PLEKHM3: variants seen among roughly 807,000 people sequenced by gnomAD.
PLEKHM3 encodes pleckstrin homology domain containing M3.
PLEKHM3 carries 45 observed loss-of-function variants against 81.8 expected under a neutral mutation model. The ratio of observed to expected loss-of-function variants is 0.55; its 90% CI spans 0.43 to 0.71. PLEKHM3 has a LOEUF of 0.71. PLEKHM3 is among the 30% of genes least tolerant of loss of function. The pLI, the probability that PLEKHM3 is intolerant of heterozygous loss-of-function variation, is 0.00. For missense variants in PLEKHM3, 788 were observed against 924.3 expected (o/e 0.85, Z 1.91); for synonymous variants, 352 against 356.4 (o/e 0.99, Z 0.14).
At chr2:208,019,249 T>A (rs1252762650) in intron 1 of PLEKHM3, among the ~76,000 whole-genome samples, 1 of 152,142 alleles carries the variant, frequency 6.6e-6, no homozygotes, top group Admixed American at 6.6e-5. Flanking sequence ...GAGGCTGCAG[T>A]GAGCTATGAT....
At chr2:207,880,642 A>G (rs980900770) in intron 6 of PLEKHM3, among the ~76,000 whole-genome samples, 6 of 148,332 alleles carry the variant, frequency 4.0e-5, no homozygotes, top group Non-Finnish European at 8.9e-5. Context: ...GGGCGCCTGT[A>G]GTCCCAGCTA....
intron 1 of PLEKHM3, among the ~76,000 whole-genome samples, chr2:208,009,105 G>A (rs976096178): frequency 6.6e-6 from 1 of 152,204 alleles, no homozygotes; most frequent in Non-Finnish European, 1.5e-5. Flanking sequence ...ACCCTTCGAC[G>A]AAGCTCCCAT....
chr2:207,892,342 A>G (rs545104827), intron 6 of PLEKHM3, among the ~76,000 whole-genome samples: 1 of 152,342 alleles, frequency 6.6e-6, no homozygotes, highest in South Asian at 2.1e-4. Context: ...TTTACCATAC[A>G]CATCCATACC....
intron 3 of PLEKHM3, among the ~76,000 whole-genome samples, chr2:207,974,450 T>C (rs1691233514): frequency 6.6e-6 from 1 of 152,178 alleles, no homozygotes; most frequent in South Asian, 2.1e-4. Context: ...TCTTGTGAAA[T>C]ACCTGAGGCT....
At chr2:207,863,488 G>A (rs572736774) in intron 6 of PLEKHM3, among the ~76,000 whole-genome samples, 1 of 152,274 alleles carries the variant, frequency 6.6e-6, no homozygotes, top group African/African-American at 2.4e-5. Context: ...ATTTATTCAC[G>A]TCCTGCCCAC....
At chr2:208,020,007 G>T (rs1412859509) in intron 1 of PLEKHM3, among the ~76,000 whole-genome samples, 1 of 152,186 alleles carries the variant, frequency 6.6e-6, no homozygotes, top group East Asian at 1.9e-4. Flanking sequence ...ATTTCCTGGA[G>T]CAAAAAATCT....
chr2:208,016,668 A>AAAAACACACACACACACACAC (rs1553568085), intron 1 of PLEKHM3, among the ~76,000 whole-genome samples: 1 of 61,552 alleles, frequency 1.6e-5, no homozygotes, highest in Admixed American at 2.2e-4. Flanking sequence ...AAAAAAAAAA[A>AAAAACACACACACACACACAC]ATACACACAC....
intron 1 of PLEKHM3, among the ~76,000 whole-genome samples, chr2:208,009,132 C>T (rs1433475716): frequency 1.3e-5 from 2 of 152,260 alleles, no homozygotes; most frequent in East Asian, 3.8e-4. Flanking sequence ...CAAGGTTCAA[C>T]TCTTTAACCT....
At position 207,858,180 on chromosome 2, in the gene PLEKHM3, A is replaced by ATATATATTTT. The variant is rs751293954; in HGVS notation, c.2108+2924_2108+2925insAAAATATATA. 3.0e-3 allele frequency among the ~76,000 whole-genome samples: 312 copies of ATATATATTTT among 103,840 alleles called. 2 individuals carry two copies. The highest frequency in any genetic ancestry group is 0.011 in the African/African-American group (295 of 26,914). The allele number at this position is 103,840 out of a possible 152,430, so 68.1% of individuals were successfully genotyped here. A position where few individuals can be genotyped will look rare whatever the true frequency, so the allele number is the denominator to read the frequency against. On this transcript the variant is annotated intron_variant, in intron 7 of 7. Transcript: ENST00000427836. Reference sequence around the variant, plus strand: ...TGTGTGTGTGTGTGTGTGTGTATATATTTTTTTTTTTGAGATGAAGTCTCA... The same window carrying ATATATATTTT: ...TGTGTGTGTGTGTGTGTGTGTATATATATATATTTTTTTTTTTTTTTGAGATGAAGTCTCA...
chr2:207,865,801 A>AAAAAAAAAAAAAATATATAT, intron 6 of PLEKHM3, among the ~76,000 whole-genome samples: 1 of 25,290 alleles, frequency 4.0e-5, no homozygotes, highest in African/African-American at 2.1e-4. Context: ...AAAAAAAAAA[A>AAAAAAAAAAAAAATATATAT]AGATATATAT....
intron 5 of PLEKHM3, among the ~76,000 whole-genome samples, chr2:207,917,764 G>C (rs2105915599): frequency 6.6e-6 from 1 of 152,208 alleles, no homozygotes; most frequent in Admixed American, 6.5e-5. Context: ...AGGATTGTTT[G>C]AGCTTGGGAG....
chr2:207,928,972 C>T (rs1001827405), intron 5 of PLEKHM3, among the ~76,000 whole-genome samples: 2 of 152,198 alleles, frequency 1.3e-5, no homozygotes, highest in Admixed American at 1.3e-4. Flanking sequence ...AAAAAGAAGA[C>T]TCTGAAGATG....
intron 7 of PLEKHM3, among the ~76,000 whole-genome samples, chr2:207,844,434 C>G (rs1412824697): frequency 6.7e-6 from 1 of 149,940 alleles, no homozygotes; most frequent in East Asian, 2.0e-4. Context: ...TCCGGAGTAG[C>G]TGGGACTACA....
intron 3 of PLEKHM3, among the ~76,000 whole-genome samples, chr2:207,947,295 T>G (rs962070177): frequency 3.3e-5 from 5 of 152,224 alleles, no homozygotes; most frequent in Non-Finnish European, 5.9e-5. Flanking sequence ...TGCTCTTTAC[T>G]TCAACAAATC....
intron 2 of PLEKHM3, among the ~76,000 whole-genome samples, chr2:207,995,584 T>C (rs1289973434): frequency 6.6e-6 from 1 of 152,166 alleles, no homozygotes; most frequent in Non-Finnish European, 1.5e-5. Flanking sequence ...TTGAACAAGT[T>C]ACTTATGCTC....
At chr2:207,870,523 G>T (rs918971743) in intron 6 of PLEKHM3, among the ~76,000 whole-genome samples, 1 of 152,234 alleles carries the variant, frequency 6.6e-6, no homozygotes, top group East Asian at 1.9e-4. Flanking sequence ...CGAAATGGAA[G>T]AATCAACATT....
Position 207,828,442 on chromosome 2 carries a change from G to A in PLEKHM3, c.2163C>T (p.Pro721=), listed in dbSNP as rs376127049. The A allele has an allele frequency of 1.5e-5, 25 of 1,614,106 alleles. No individual in the cohort carries two copies. Among genetic ancestry groups the A allele is most frequent in the Non-Finnish European group, 2.1e-5 (25 of 1,180,022 alleles). ...GCTCTCGGCGAACACACCTCGGGCA[G>A]GGGACAGACTTTTCTTTGCATTCAG... ...FHSECKEKSV[P]CPRCVRRELQ... Residue 721 remains proline (P), a synonymous_variant, in exon 8 of 8, where the codon CCC becomes CCT. Transcript: ENST00000427836.
rs2092240976 is a variant in PLEKHM3, at chr2:207,825,061, C to T, written c.*3258G>A. ...AAAGGCAGTGAAGCAAAGGGGGCTG[C>T]TGAGAGTTTACATGGTTTTCATATA... On this transcript the variant is annotated 3_prime_UTR_variant, in exon 8 of 8. Transcript: ENST00000427836. 2.0e-5 allele frequency: 3 copies of T among 152,130 alleles called. No homozygotes were observed. Among genetic ancestry groups the T allele is most frequent in the Admixed American group, 2.0e-4 (3 of 15,258 alleles). 9.4% of individuals were successfully genotyped at this position (152,130 alleles called of 1,614,324 possible).
intron 3 of PLEKHM3, among the ~76,000 whole-genome samples, chr2:207,946,761 G>T (rs1053726350): frequency 6.6e-6 from 1 of 152,086 alleles, no homozygotes; most frequent in Non-Finnish European, 1.5e-5. Flanking sequence ...GGTTTCTTCT[G>T]ATTCCATCTC....
Sources: allele counts gnomAD v4.1 joint callset (sites outside exome capture counted in the v4.1 genomes callset), GRCh38; gene constraint gnomAD v4.1.1; transcripts MANE v1.5; gene names NCBI Gene and HGNC (gene_info 2026-07-23, HGNC 2026-07-21).